Variants in CNOT6 observed in about 807,000 individuals in gnomAD.
The protein encoded by CNOT6 is CCR4-NOT transcription complex subunit 6.
In CNOT6, 12 loss-of-function variants were observed where a neutral mutation model predicts 61.2. That is an observed-to-expected ratio of 0.20 (90% CI 0.13 to 0.32). The LOEUF is 0.32. CNOT6 is among the 10% of genes least tolerant of loss of function. The pLI is 1.00. For synonymous variants in CNOT6, 225 were observed against 240.6 expected, an observed-to-expected ratio of 0.94 and a Z score of 0.60; for missense variants, 405 against 663.9, an observed-to-expected ratio of 0.61 and a Z score of 4.28.
intron 1 of CNOT6, among the ~76,000 whole-genome samples, chr5:180,495,071 C>A (rs12189218): frequency 1.3e-5 from 2 of 152,040 alleles, no homozygotes; most frequent in Non-Finnish European, 2.9e-5. Flanking sequence ...CTGCCGTCGT[C>A]GGAGGAGGCG....
chr5:180,552,469 G>A (rs1358235754), intron 3 of CNOT6, among the ~76,000 whole-genome samples: 5 of 151,140 alleles, frequency 3.3e-5, no homozygotes, highest in Admixed American at 6.6e-5. Context: ...GTGAAACCCC[G>A]TCTCTACTAA....
intron 1 of CNOT6, among the ~76,000 whole-genome samples, chr5:180,509,132 T>C (rs1460200411): frequency 2.6e-5 from 4 of 151,880 alleles, no homozygotes; most frequent in Admixed American, 6.6e-5. Context: ...TTTTATTTTA[T>C]TTTTATTTTT....
chr5:180,511,669 A>G (rs1343733996), intron 1 of CNOT6, among the ~76,000 whole-genome samples: 1 of 152,050 alleles, frequency 6.6e-6, no homozygotes, highest in African/African-American at 2.4e-5. Context: ...GGAGGCTGAG[A>G]TGGGAGGACC....
At chr5:180,514,389 T>A (rs1282985462) in intron 1 of CNOT6, among the ~76,000 whole-genome samples, 1 of 152,204 alleles carries the variant, frequency 6.6e-6, no homozygotes, top group Non-Finnish European at 1.5e-5. Flanking sequence ...GCCACTGCAC[T>A]CCAGCCTAGG....
intron 1 of CNOT6, among the ~76,000 whole-genome samples, chr5:180,523,247 TAC>T (rs1757952716): frequency 6.6e-6 from 1 of 152,194 alleles, no homozygotes; most frequent in Non-Finnish European, 1.5e-5. Flanking sequence ...GCTTCTCAGG[TAC>T]CCCTTTTCTT....
chr5:180,549,378 A>G (rs751766732), intron 2 of CNOT6, among the ~76,000 whole-genome samples: 50 of 152,314 alleles, frequency 3.3e-4, no homozygotes, highest in South Asian at 1.4e-3. Context: ...GGCCGGGCAC[A>G]GTGGCTCATG....
chr5:180,495,948 G>A (rs183478250), intron 1 of CNOT6, among the ~76,000 whole-genome samples: 15 of 152,296 alleles, frequency 9.8e-5, no homozygotes, highest in Non-Finnish European at 2.1e-4. Context: ...ATCTCACTCT[G>A]TCACCCAGGC....
At chr5:180,550,896 G>A (rs1161948696) in intron 3 of CNOT6, among the ~76,000 whole-genome samples, 1 of 152,100 alleles carries the variant, frequency 6.6e-6, no homozygotes, top group African/African-American at 2.4e-5. Flanking sequence ...TATAGCATTT[G>A]GATTCACATG....
chr5:180,496,727 A>G (rs1263897881), intron 1 of CNOT6, among the ~76,000 whole-genome samples: 1 of 152,226 alleles, frequency 6.6e-6, no homozygotes, highest in African/African-American at 2.4e-5. Flanking sequence ...TGTCTTGATC[A>G]CTTTATAAAA....
intron 3 of CNOT6, among the ~76,000 whole-genome samples, chr5:180,551,165 G>A (rs1459144267): frequency 6.7e-6 from 1 of 150,028 alleles, no homozygotes; most frequent in African/African-American, 2.5e-5. Flanking sequence ...TCAACATAGC[G>A]AGAACCTGGT....
chr5:180,506,621 T>G (rs1353822621), intron 1 of CNOT6, among the ~76,000 whole-genome samples: 1 of 152,194 alleles, frequency 6.6e-6, no homozygotes, highest in Non-Finnish European at 1.5e-5. Flanking sequence ...TAAGATAGAT[T>G]TTTTATAGTT....
At chr5:180,556,207 C>G (rs1287808270) in intron 4 of CNOT6, among the ~76,000 whole-genome samples, 1 of 152,084 alleles carries the variant, frequency 6.6e-6, no homozygotes, top group African/African-American at 2.4e-5. Context: ...TGTGTGAAGT[C>G]TTTAAAAGTC....
chr5:180,495,677 A>G (rs1756580102), intron 1 of CNOT6: 1 of 152,234 alleles, frequency 6.6e-6, no homozygotes, highest in Non-Finnish European at 1.5e-5. Context: ...GTTAGTGCTG[A>G]ATCTTCTTGC....
intron 1 of CNOT6, among the ~76,000 whole-genome samples, chr5:180,522,753 A>T (rs1350616184): frequency 6.6e-6 from 1 of 151,994 alleles, no homozygotes; most frequent in African/African-American, 2.4e-5. Flanking sequence ...GGCTCAAGTG[A>T]TCCTTCTGCC....
At chr5:180,525,921 T>TA (rs35506233) in intron 1 of CNOT6, among the ~76,000 whole-genome samples, 3,820 of 151,596 alleles carry the variant, frequency 0.025, 58 homozygotes, top group African/African-American at 0.028. Context: ...TTTCTTCTTT[T>TA]AAAAAAAAAT....
chr5:180,502,834 G>A (rs1345842278), intron 1 of CNOT6, among the ~76,000 whole-genome samples: 1 of 152,152 alleles, frequency 6.6e-6, no homozygotes, highest in East Asian at 1.9e-4. Flanking sequence ...AGCCTTTTGG[G>A]AGGCAAATAT....
At chr5:180,535,970 C>T (rs369375859) in intron 2 of CNOT6, among the ~76,000 whole-genome samples, 3 of 108,036 alleles carry the variant, frequency 2.8e-5, no homozygotes, top group Admixed American at 1.8e-4. Flanking sequence ...GTTTCATGTT[C>T]TTTGCCCACT....
chr5:180,496,192 C>A (rs1331210671), intron 1 of CNOT6, among the ~76,000 whole-genome samples: 1 of 152,220 alleles, frequency 6.6e-6, no homozygotes, highest in Non-Finnish European at 1.5e-5. Flanking sequence ...CATGAGCCAA[C>A]ATGCCTGGCC....
intron 1 of CNOT6, among the ~76,000 whole-genome samples, chr5:180,500,172 C>A (rs1443071673): frequency 6.6e-6 from 1 of 151,586 alleles, no homozygotes; most frequent in Non-Finnish European, 1.5e-5. Flanking sequence ...CACTCTGTGT[C>A]ACCCAGGCTG....
Sources: allele counts gnomAD v4.1 joint callset (sites outside exome capture counted in the v4.1 genomes callset), GRCh38; gene constraint gnomAD v4.1.1; transcripts MANE v1.5; gene names NCBI Gene and HGNC (gene_info 2026-07-23, HGNC 2026-07-21).